AKTIP: variants seen among roughly 807,000 people sequenced by gnomAD.
AKTIP encodes AKT-interacting protein.
A neutral mutation model predicts 39.1 loss-of-function variants in AKTIP; 16 were observed. The ratio of observed to expected loss-of-function variants is 0.41; its 90% CI spans 0.28 to 0.62. The LOEUF (loss-of-function observed/expected upper bound fraction) is 0.62, where lower values mean the gene tolerates loss of function less well. Ranked by LOEUF, AKTIP falls within the 20% of genes least tolerant of loss-of-function variation. AKTIP has a pLI of 0.32. For missense variants in AKTIP, 262 were observed against 356.6 expected, an observed-to-expected ratio of 0.73 and a Z score of 2.14; for synonymous variants, 93 against 124.3, an observed-to-expected ratio of 0.75 and a Z score of 1.67.
chr16:53,504,189 A>G (rs1962341193), upstream of AKTIP: 1 of 147,390 alleles, frequency 6.8e-6, no homozygotes, highest in Admixed American at 6.9e-5. Flanking sequence ...GACTGCTGCC[A>G]GCTGCTTTCC....
intron 1 of AKTIP, chr16:53,502,759 G>A (rs2150876921): frequency 6.6e-6 from 1 of 152,258 alleles, no homozygotes; most frequent in East Asian, 1.9e-4. Flanking sequence ...GCTCGATGCT[G>A]GCCCGGGAGC....
intron 3 of AKTIP, among the ~76,000 whole-genome samples, 193 bp from the exon 4 acceptor site, chr16:53,495,519 T>G (rs1286196318): frequency 6.6e-6 from 1 of 152,192 alleles, no homozygotes; most frequent in African/African-American, 2.4e-5. Context: ...CGCTGCCCAC[T>G]ACTGGCCTCA....
At chr16:53,496,493 A>G (rs965010195) in intron 3 of AKTIP, among the ~76,000 whole-genome samples, 6 of 146,884 alleles carry the variant, frequency 4.1e-5, no homozygotes, top group Non-Finnish European at 7.5e-5. Context: ...GGAGGGGTCA[A>G]GGATGCTTTT....
In AKTIP at chr16:53,494,372, G is replaced by C. The variant is rs771085637; in HGVS notation, c.569C>G (p.Thr190Arg). 1.4e-5 allele frequency: 23 copies of C among 1,614,072 alleles called. No homozygotes were observed. Among genetic ancestry groups the C allele is most frequent in the Non-Finnish European group, 1.1e-5 (13 of 1,180,044 alleles). ...AGCCTCTGGGTTCAGGGGGCTTGCTGTATCAATCTTGTAGAAAACTCTCCT... is the reference window on the plus strand; with the variant it reads ...AGCCTCTGGGTTCAGGGGGCTTGCTCTATCAATCTTGTAGAAAACTCTCCT... ...YARRVFYKID[T>R]ASPLNPEAAV... Residue 190 changes from threonine to arginine, a missense_variant, in exon 7 of 10, where the codon ACA (threonine) becomes AGA (arginine). By Grantham distance (71) the Thr-to-Arg change is moderately conservative. Coordinates refer to ENST00000394657, the MANE Select transcript of AKTIP (RefSeq NM_022476.4).
intron 7 of AKTIP, 45 bp from the exon 8 acceptor site, chr16:53,494,290 T>C (rs1474244598): frequency 1.9e-6 from 3 of 1,610,486 alleles, no homozygotes; most frequent in Non-Finnish European, 2.5e-6. Flanking sequence ...TTAATCTACT[T>C]AGCTGCATCT....
chr16:53,498,876 G>T (rs915194760), intron 2 of AKTIP, among the ~76,000 whole-genome samples: 1 of 152,200 alleles, frequency 6.6e-6, no homozygotes, highest in Non-Finnish European at 1.5e-5. Context: ...AACACAGAAA[G>T]AAATGTTTTT....
intron 2 of AKTIP, among the ~76,000 whole-genome samples, chr16:53,499,629 T>G (rs1483242014): frequency 6.6e-6 from 1 of 151,844 alleles, no homozygotes; most frequent in Admixed American, 6.6e-5. Context: ...CCAGCTAATT[T>G]TTTTGTATAT....
intron 5 of AKTIP, 30 bp downstream of exon 5, chr16:53,495,043 A>G: frequency 6.3e-7 from 1 of 1,593,492 alleles, no homozygotes; most frequent in Non-Finnish European, 8.6e-7. Context: ...GCTGATCCAC[A>G]AATAAAGCCA....
chr16:53,491,535 C>A lies in AKTIP; in HGVS notation c.*877G>T, dbSNP rs1298767495. The stretch of plus-strand genomic sequence containing the variant: ...ATTGCTGAGAGAAATATGGAACTTA[C>A]ATTGTTCAATTAGAATAGTGTTCTG... On this transcript the variant is annotated 3_prime_UTR_variant, in exon 10 of 10. Transcript: ENST00000394657. The A allele has an allele frequency of 1.3e-5, 2 of 152,554 alleles. No homozygotes were observed. The highest frequency in any genetic ancestry group is 2.9e-5 in the Non-Finnish European group (2 of 68,028). The allele number at this position is 152,554 out of a possible 1,614,324, so 9.5% of individuals were successfully genotyped here. A position where few individuals can be genotyped will look rare whatever the true frequency, so the allele number is the denominator to read the frequency against.
rs550022269 is a variant in AKTIP, at chr16:53,492,125, T to TA, written c.*286dup. On this transcript the variant is annotated 3_prime_UTR_variant, in exon 10 of 10. Transcript: ENST00000394657. Reference sequence around the variant, plus strand: ...TCTATTAGTTTAAATGAATGCAACTTACCTTTAGCATTATATTCAGAAAAA... The same window carrying TA: ...TCTATTAGTTTAAATGAATGCAACTTAACCTTTAGCATTATATTCAGAAAAA... 284 of 323,338 alleles carry TA rather than the reference T, an allele frequency of 8.8e-4. No homozygotes were observed. Among genetic ancestry groups the TA allele is most frequent in the African/African-American group, 5.6e-3 (263 of 47,020 alleles). The allele number at this position is 323,338 out of a possible 1,614,324, so 20.0% of individuals were successfully genotyped here.
chr16:53,495,009 C>CT (rs766095584), intron 5 of AKTIP, 64 bp downstream of exon 5: 1 of 1,407,786 alleles, frequency 7.1e-7, no homozygotes, highest in South Asian at 1.2e-5. Flanking sequence ...ACCAGGAAAG[C>CT]TGTAAGCCCT....
intron 1 of AKTIP, among the ~76,000 whole-genome samples, chr16:53,502,429 C>T (rs1398551442): frequency 6.6e-6 from 1 of 152,206 alleles, no homozygotes; most frequent in Non-Finnish European, 1.5e-5. Context: ...GGGTCTTCAG[C>T]CTGCGCGAAT....
intron 1 of AKTIP, among the ~76,000 whole-genome samples, chr16:53,500,789 T>C (rs188625624): frequency 9.8e-5 from 15 of 152,340 alleles, no homozygotes; most frequent in African/African-American, 2.6e-4. Context: ...TTCAGGCATC[T>C]TCAGAAATAG....
intron 8 of AKTIP, 194 bp from the exon 9 acceptor site, chr16:53,492,947 T>G: frequency 1.7e-6 from 1 of 572,504 alleles, no homozygotes; most frequent in Non-Finnish European, 3.1e-6. Context: ...ATGATCTCAT[T>G]TAAGCCTCAC....
At chr16:53,497,473 G>A (rs545496064) in intron 3 of AKTIP, among the ~76,000 whole-genome samples, 2 of 152,260 alleles carry the variant, frequency 1.3e-5, no homozygotes, top group South Asian at 2.1e-4. Flanking sequence ...ACTTTAATAC[G>A]TGCTTAAGCT....
intron 8 of AKTIP, 46 bp from the exon 9 acceptor site, chr16:53,492,799 A>C: frequency 6.4e-7 from 1 of 1,561,856 alleles, no homozygotes; most frequent in Non-Finnish European, 8.8e-7. Context: ...TGGCTCACTA[A>C]ATTTCTATAA....
chr16:53,503,239 T>TCCCCGCCCCG (rs1478936903), upstream of AKTIP: 1 of 59,452 alleles, frequency 1.7e-5, no homozygotes, highest in Non-Finnish European at 3.2e-5. Context: ...CCCTGCTTGA[T>TCCCCGCCCCG]CCCCGCCCCG....
upstream of AKTIP, chr16:53,504,381 C>CG (rs1962347047): frequency 6.6e-6 from 1 of 152,180 alleles, no homozygotes; most frequent in African/African-American, 2.4e-5. Flanking sequence ...ATTCTCTGGC[C>CG]GGGTTGTTTG....
intron 3 of AKTIP, among the ~76,000 whole-genome samples, chr16:53,495,719 A>G (rs1236254773): frequency 2.0e-5 from 3 of 152,268 alleles, no homozygotes; most frequent in African/African-American, 4.8e-5. Flanking sequence ...GCTGAGGTCA[A>G]TGAGAGTATT....
Sources: gnomAD v4.1 joint callset for allele counts (sites outside exome capture counted in the v4.1 genomes callset) on GRCh38, gnomAD v4.1.1 for gene constraint, MANE v1.5 for transcripts, NCBI Gene and HGNC (gene_info 2026-07-23, HGNC 2026-07-21) for gene names.